The following PIK3C3 variants were observed in gnomAD, a reference collection of about 807,000 sequenced individuals.
PIK3C3 encodes phosphatidylinositol 3-kinase catalytic subunit type 3, also known as PI3-kinase type 3.
In PIK3C3, 95 loss-of-function variants were observed where a neutral mutation model predicts 126.1. That is an observed-to-expected ratio of 0.75 (90% CI 0.64 to 0.89). PIK3C3 has a LOEUF of 0.89. Among genes scored for constraint, PIK3C3 ranks in the 40% least tolerant of loss-of-function variants. The pLI, the probability that PIK3C3 is intolerant of heterozygous loss-of-function variation, is 0.00. For synonymous variants in PIK3C3, 374 were observed against 360.0 expected (o/e 1.04, Z -0.44); for missense variants, 829 against 1,063.2 (o/e 0.78, Z 3.06).
At chr18:42,001,775 A>G (rs1366127424) in intron 9 of PIK3C3, among the ~76,000 whole-genome samples, 1 of 152,218 alleles carries the variant, frequency 6.6e-6, no homozygotes, top group African/African-American at 2.4e-5. Flanking sequence ...GGCATGCTAC[A>G]AGATTTGCTT....
chr18:41,966,406 C>G (rs113261752), intron 3 of PIK3C3, among the ~76,000 whole-genome samples: 12,605 of 151,846 alleles, frequency 0.083, 1,709 homozygotes, highest in African/African-American at 0.28. Context: ...CTGACCTCAG[C>G]TGATCCGCCT....
At chr18:42,062,466 C>T (rs1985361290) in intron 22 of PIK3C3, among the ~76,000 whole-genome samples, 1 of 151,740 alleles carries the variant, frequency 6.6e-6, no homozygotes, top group African/African-American at 2.4e-5. Context: ...TTTTAAAGCT[C>T]ATCAGCTATC....
At chr18:41,960,475 A>T (rs767033516) in intron 2 of PIK3C3, among the ~76,000 whole-genome samples, 28 of 152,222 alleles carry the variant, frequency 1.8e-4, no homozygotes, top group Non-Finnish European at 3.5e-4. Context: ...GAGTGCTAGC[A>T]CAATGGTATG....
At chr18:41,957,089 C>T (rs1477786379) in intron 1 of PIK3C3, among the ~76,000 whole-genome samples, 1 of 152,046 alleles carries the variant, frequency 6.6e-6, no homozygotes, top group South Asian at 2.1e-4. Context: ...AATTTTTTTC[C>T]CCAGAAGCAA....
intron 24 of PIK3C3, among the ~76,000 whole-genome samples, chr18:42,079,546 C>A (rs192387428): frequency 8.3e-4 from 126 of 151,014 alleles, no homozygotes; most frequent in African/African-American, 2.7e-3. Context: ...GATAGACTTG[C>A]GCAAGCAGAG....
At chr18:42,051,476 A>C (rs1024752815) in intron 21 of PIK3C3, among the ~76,000 whole-genome samples, 1 of 151,946 alleles carries the variant, frequency 6.6e-6, no homozygotes, top group Non-Finnish European at 1.5e-5. Flanking sequence ...AGAATAATCT[A>C]TTAATATAAT....
chr18:42,016,752 G>T (rs1449408416), intron 12 of PIK3C3, among the ~76,000 whole-genome samples: 1 of 152,070 alleles, frequency 6.6e-6, no homozygotes, highest in African/African-American at 2.4e-5. Context: ...GGGAGAGTGA[G>T]CAAAAGAGAA....
intron 4 of PIK3C3, among the ~76,000 whole-genome samples, chr18:41,986,326 G>A (rs550961913): frequency 2.6e-5 from 4 of 152,150 alleles, no homozygotes; most frequent in East Asian, 1.9e-4. Flanking sequence ...TACTTCGTTC[G>A]TACAAGCAAA....
chr18:42,027,499 A>G lies in PIK3C3; in HGVS notation c.1541A>G (p.His514Arg), dbSNP rs1285217639. 2 of 1,612,366 alleles carry G rather than the reference A, an allele frequency of 1.2e-6. No individual in the cohort carries two copies. The highest frequency in any genetic ancestry group is 2.2e-5 in the East Asian group (1 of 44,806). Residue 514 changes from histidine (H) to arginine (R), a missense_variant, in exon 14 of 25, where the codon CAT becomes CGT. By Grantham distance (29) the His-to-Arg change is conservative. This residue lies in a region of PIK3C3 where 256 missense variants were observed against 291.0 expected (regional missense o/e 0.88). Coordinates refer to ENST00000262039, the MANE Select transcript of PIK3C3 (RefSeq NM_002647.4). ...ACTCAGCAGAGAGATCCAAAGACCC[A>G]TGAGATGTACTTGAACGTAATGAGA... ...QDTQQRDPKT[H>R]EMYLNVMRRF...
chr18:41,962,673 T>A, intron 3 of PIK3C3, 41 bp downstream of exon 3: 1 of 1,567,340 alleles, frequency 6.4e-7, no homozygotes. Context: ...GTGTAGCAGC[T>A]TTCTGACCCT....
At chr18:42,063,033 A>G (rs763722448) in intron 22 of PIK3C3, among the ~76,000 whole-genome samples, 36 of 151,700 alleles carry the variant, frequency 2.4e-4, no homozygotes, top group Admixed American at 4.6e-4. Context: ...TTTGATTCTT[A>G]CTCCCTTCAA....
At chr18:41,961,969 A>C (rs1029417319) in intron 2 of PIK3C3, among the ~76,000 whole-genome samples, 1 of 152,214 alleles carries the variant, frequency 6.6e-6, no homozygotes, top group African/African-American at 2.4e-5. Context: ...AAATTCTCGC[A>C]TAAGAAGTCA....
chr18:42,027,919 G>A (rs1347969589), intron 14 of PIK3C3, among the ~76,000 whole-genome samples: 2 of 152,194 alleles, frequency 1.3e-5, no homozygotes, highest in Non-Finnish European at 2.9e-5. Context: ...GCCTCCCAAA[G>A]TGCTGGCATT....
intron 15 of PIK3C3, among the ~76,000 whole-genome samples, chr18:42,031,821 G>A (rs1598913901): frequency 6.6e-6 from 1 of 152,128 alleles, no homozygotes; most frequent in Non-Finnish European, 1.5e-5. Context: ...TCATTTATGT[G>A]TTCTACAAAT....
chr18:42,004,438 A>T lies in PIK3C3; in HGVS notation c.1067A>T (p.Lys356Met). The change falls in exon 10 of 25, where the codon AAG becomes ATG. Residue 356 changes from lysine (K) to methionine (M), a missense_variant. By Grantham distance (95) the Lys-to-Met change is moderately conservative (BLOSUM62 -1). Transcript: ENST00000262039. ...GCCTTGGAACTTCTGGGAAAATGGAAGCCGATGGATGTAGAGGACTCCTTG... is the reference window on the plus strand; with the variant it reads ...GCCTTGGAACTTCTGGGAAAATGGATGCCGATGGATGTAGAGGACTCCTTG... ...KQALELLGKW[K>M]PMDVEDSLEL... 6.2e-7 allele frequency: 1 copy of T among 1,613,842 alleles called. No homozygotes were observed. The highest frequency in any genetic ancestry group is 8.5e-7 in the Non-Finnish European group (1 of 1,179,824).
intron 20 of PIK3C3, 114 bp from the exon 21 acceptor site, chr18:42,049,417 G>T: frequency 1.7e-6 from 1 of 598,476 alleles, no homozygotes. Context: ...TGAGAAACCA[G>T]AGACATTAGA....
chr18:41,982,294 A>T (rs1981245753), intron 4 of PIK3C3, among the ~76,000 whole-genome samples: 3 of 152,180 alleles, frequency 2.0e-5, no homozygotes, highest in African/African-American at 4.8e-5. Context: ...TCTTTTGTAT[A>T]TAGTAGTACC....
chr18:41,981,459 A>T (rs956251663), intron 4 of PIK3C3, among the ~76,000 whole-genome samples: 1 of 152,230 alleles, frequency 6.6e-6, no homozygotes, highest in African/African-American at 2.4e-5. Flanking sequence ...TAAGATTTAC[A>T]TGTACAGTTT....
intron 11 of PIK3C3, among the ~76,000 whole-genome samples, chr18:42,014,916 T>C (rs374682504): frequency 1.2e-4 from 18 of 152,182 alleles, no homozygotes; most frequent in African/African-American, 4.1e-4. Flanking sequence ...TATCTCACTC[T>C]ATATTGGAGG....
Sources: gnomAD v4.1 joint callset for allele counts (sites outside exome capture counted in the v4.1 genomes callset) on GRCh38, gnomAD v4.1.1 for gene constraint, gnomAD v4.1.1 regional missense constraint, MANE v1.5 for transcripts, NCBI Gene and HGNC (gene_info 2026-07-23, HGNC 2026-07-21) for gene names.